The following AGO1 variants were observed in gnomAD, a reference collection of about 807,000 sequenced individuals.
AGO1 encodes protein argonaute-1.
A neutral mutation model predicts 109.2 loss-of-function variants in AGO1; 11 were observed. The ratio of observed to expected loss-of-function variants is 0.10; its 90% confidence interval spans 0.06 to 0.17. AGO1 has a LOEUF of 0.17. Among genes scored for constraint, AGO1 ranks in the 10% least tolerant of loss-of-function variants. AGO1 has a pLI of 1.00. For synonymous variants in AGO1, 422 were observed against 418.6 expected (o/e 1.01, Z -0.10); for missense variants, 574 against 1,140.3 (o/e 0.50, Z 7.15).
Position 35,883,998 on chromosome 1 carries a change from G to A in AGO1, c.25+552G>A, listed in dbSNP as rs1002627522. 7.2e-5 allele frequency among the ~76,000 whole-genome samples: 11 copies of A among 152,224 alleles called. No homozygotes were observed. The highest frequency in any genetic ancestry group is 2.0e-4 in the Admixed American group (3 of 15,288). ...CCCCGTGGGTCTGGGGAGTCGGAGC[G>A]GAGGCTCCAGAGCATGCGCGGAGGT... On this transcript the variant is annotated intron_variant, in intron 1 of 18. Transcript: ENST00000373204. This position sits in a 1 kb window ranked among gnomAD's most constrained non-coding sequence, Gnocchi z 5.4.
chr1:35,886,324 G>C (rs1348409026), intron 1 of AGO1, among the ~76,000 whole-genome samples: 1 of 152,178 alleles, frequency 6.6e-6, no homozygotes, highest in Non-Finnish European at 1.5e-5. Context: ...AGGAGACAGT[G>C]CTGTTGTTAG....
At position 35,901,876 on chromosome 1, in the gene AGO1, C is replaced by G; in HGVS notation, c.1141-72C>G. 1 of 1,523,556 alleles carries G rather than the reference C, an allele frequency of 6.6e-7. No homozygotes were observed. 94.4% of individuals were successfully genotyped at this position (1,523,556 alleles called of 1,614,324 possible). A position where few individuals can be genotyped will look rare whatever the true frequency, so the allele number is the denominator to read the frequency against. On this transcript the variant is annotated intron_variant, in intron 9 of 18. Coordinates refer to ENST00000373204, the MANE Select transcript of AGO1 (RefSeq NM_012199.5). This position sits in a 1 kb window ranked among gnomAD's most constrained non-coding sequence, Gnocchi z 4.8. ...CCCCAGCTTCTCCTTAGGGTTCTCT[C>G]CTTGATACCCAGAGGGTGAGCAGTA...
At position 35,892,626 on chromosome 1, in the gene AGO1, T is replaced by C; in HGVS notation, c.279T>C (p.Asp93=). ...TTGGTGATCGCAAGCCTGTGTATGA[T>C]GGAAAGAAGAACATTTACACTGTCA... The part of the protein sequence containing the change: ...QIFGDRKPVY[D]GKKNIYTVTA... Residue 93 remains aspartate (D), a synonymous_variant, in exon 3 of 19, where the codon GAT becomes GAC. Coordinates refer to ENST00000373204, the MANE Select transcript of AGO1 (RefSeq NM_012199.5). The C allele has an allele frequency of 6.2e-7, 1 of 1,614,204 alleles. No homozygotes were observed. The highest frequency in any genetic ancestry group is 1.1e-5 in the South Asian group (1 of 91,086).
At chr1:35,909,192 A>G (rs975289129) in intron 12 of AGO1, among the ~76,000 whole-genome samples, 19 of 152,080 alleles carry the variant, frequency 1.2e-4, no homozygotes, top group Admixed American at 9.8e-4. Context: ...ATTGATTCCT[A>G]TTATTCACTG....
intron 15 of AGO1, among the ~76,000 whole-genome samples, chr1:35,917,204 G>A (rs979563119): frequency 6.6e-6 from 1 of 152,176 alleles, no homozygotes; most frequent in Non-Finnish European, 1.5e-5. Flanking sequence ...TCCACAACCT[G>A]TCTGCTCTTG....
In AGO1 at chr1:35,907,013, T is replaced by C. The variant is rs1040031325; in HGVS notation, c.1476T>C (p.Tyr492=). Residue 492 remains tyrosine, a synonymous_variant, in exon 12 of 19, where the codon TAT becomes TAC. Transcript: ENST00000373204. ...PIQGQPCFCK[Y]AQGADSVEPM... ...AGGGTCAACCTTGTTTCTGCAAATA[T>C]GCACAGGGGGCAGACAGCGTGGAGC... is the stretch of plus-strand genomic sequence containing the variant. 5 of 1,614,004 alleles carry C rather than the reference T, an allele frequency of 3.1e-6. No individual in the cohort carries two copies. The highest frequency in any genetic ancestry group is 1.3e-5 in the African/African-American group (1 of 74,908).
In AGO1 at chr1:35,929,439, A is replaced by G. The variant is rs546851825; in HGVS notation, c.*9832A>G. The G allele has an allele frequency of 6.6e-6, 1 of 152,216 alleles. No homozygotes were observed. The highest frequency in any genetic ancestry group is 1.9e-4 in the East Asian group (1 of 5,210). 9.4% of individuals were successfully genotyped at this position (152,216 alleles called of 1,614,324 possible). A position where few individuals can be genotyped will look rare whatever the true frequency, so the allele number is the denominator to read the frequency against. On this transcript the variant is annotated 3_prime_UTR_variant, in exon 19 of 19. Coordinates refer to ENST00000373204, the MANE Select transcript of AGO1 (RefSeq NM_012199.5). Reference sequence around the variant, plus strand: ...ATCACTGTCACCATGTCTAATGTCTATTCTGGAAGAAGCTGAAGAAGTCTG... The same window carrying G: ...ATCACTGTCACCATGTCTAATGTCTGTTCTGGAAGAAGCTGAAGAAGTCTG...
At chr1:35,910,012 C>A (rs1645604773) in intron 12 of AGO1, among the ~76,000 whole-genome samples, 1 of 151,958 alleles carries the variant, frequency 6.6e-6, no homozygotes, top group African/African-American at 2.4e-5. Flanking sequence ...TTATGTTACA[C>A]TTCTCTCTAG....
Position 35,901,692 on chromosome 1 carries a change from G to C in AGO1, c.1140+99G>C. The C allele has an allele frequency of 6.3e-7, 1 of 1,580,438 alleles. No individual in the cohort carries two copies. Among genetic ancestry groups the C allele is most frequent in the South Asian group, 1.1e-5 (1 of 87,032 alleles). ...CTTCCTTCAGGAGAACCCAAGTCTA[G>C]ATTTGTTGCCTAGGACTGTATAAGG... is the stretch of plus-strand genomic sequence containing the variant. On this transcript the variant is annotated intron_variant, in intron 9 of 18. Coordinates refer to ENST00000373204, the MANE Select transcript of AGO1 (RefSeq NM_012199.5). The surrounding 1 kb of genome is among the most constrained non-coding windows in gnomAD (Gnocchi z 4.8).
chr1:35,888,691 G>A lies in AGO1; in HGVS notation c.209+81G>A, dbSNP rs1557603792. On this transcript the variant is annotated intron_variant, in intron 2 of 18. Transcript: ENST00000373204. This position sits in a 1 kb window ranked among gnomAD's most constrained non-coding sequence, Gnocchi z 4.1. ...GGCCAGAAAGGTAAAAGAAAAACCA[G>A]TAGAGGGTAGTATCACCAAATCTAA... The A allele has an allele frequency of 2.7e-6, 4 of 1,489,088 alleles. No individual in the cohort carries two copies. The East Asian group carries it at 9.3e-5, about 34-fold the overall frequency. 92.2% of individuals were successfully genotyped at this position (1,489,088 alleles called of 1,614,324 possible).
chr1:35,903,441 G>A (rs996615132), intron 11 of AGO1, among the ~76,000 whole-genome samples: 4 of 152,190 alleles, frequency 2.6e-5, no homozygotes, highest in Middle Eastern at 3.4e-3. Flanking sequence ...CTCTGAATCT[G>A]GAGTGGGGTC....
intron 12 of AGO1, among the ~76,000 whole-genome samples, chr1:35,907,379 A>C (rs1012898701): frequency 1.3e-5 from 2 of 152,120 alleles, no homozygotes; most frequent in African/African-American, 4.8e-5. Context: ...ATGCTGGGCC[A>C]GGTACAGAGA....
At chr1:35,882,169 C>T (rs1645043942), upstream of AGO1, among the ~76,000 whole-genome samples, 2 of 152,134 alleles carry the variant, frequency 1.3e-5, no homozygotes, top group Non-Finnish European at 2.9e-5. This position sits in a 1 kb window ranked among gnomAD's most constrained non-coding sequence, Gnocchi z 5.1. Context: ...GTTTGGACTT[C>T]TTAAATTTGA....
rs1645259643 is a variant in AGO1 at position 35,893,468 on chromosome 1, A to G, written c.512+190A>G. The G allele has an allele frequency of 1.2e-6, 1 of 808,328 alleles. No individual in the cohort carries two copies. The highest frequency in any genetic ancestry group is 1.9e-6 in the Non-Finnish European group (1 of 528,566). The allele number at this position is 808,328 out of a possible 1,614,324, so 50.1% of individuals were successfully genotyped here. A position where few individuals can be genotyped will look rare whatever the true frequency, so the allele number is the denominator to read the frequency against. On this transcript the variant is annotated intron_variant, in intron 4 of 18. Transcript: ENST00000373204. This position sits in a 1 kb window ranked among gnomAD's most constrained non-coding sequence, Gnocchi z 5.6. ...AGCCCTGGCCCTGAACTTCTTAGAT[A>G]TCTTTGGGCCTCATCCCATCTGTCC...
intron 1 of AGO1, among the ~76,000 whole-genome samples, chr1:35,876,515 C>G (rs185708319): frequency 2.4e-3 from 358 of 152,274 alleles, no homozygotes; most frequent in Non-Finnish European, 3.9e-3. Flanking sequence ...ATCCGCCCAC[C>G]TCGGCCTCCC....
At chr1:35,886,921 G>C (rs1464112881) in intron 1 of AGO1, among the ~76,000 whole-genome samples, 5 of 152,208 alleles carry the variant, frequency 3.3e-5, no homozygotes, top group African/African-American at 1.2e-4. Context: ...TGAAGGATAT[G>C]TGTGTAAGTG....
upstream of AGO1, among the ~76,000 whole-genome samples, chr1:35,880,572 T>C (rs1645027409): frequency 1.3e-5 from 2 of 151,998 alleles, no homozygotes; most frequent in South Asian, 2.1e-4. Flanking sequence ...AAAAAGAATA[T>C]AGTGTGAGAG....
In AGO1 at chr1:35,924,406, A is replaced by G. The variant is rs1034669992; in HGVS notation, c.*4799A>G. Reference sequence around the variant, plus strand: ...ATAATACTGTAGATTGTTATGCAGGAATACTTCACAGAGCCTTCATTTATT... The same window carrying G: ...ATAATACTGTAGATTGTTATGCAGGGATACTTCACAGAGCCTTCATTTATT... On this transcript the variant is annotated 3_prime_UTR_variant, in exon 19 of 19. Transcript: ENST00000373204. The G allele has an allele frequency of 6.6e-6, 1 of 152,504 alleles. No individual in the cohort carries two copies. Among genetic ancestry groups the G allele is most frequent in the Non-Finnish European group, 1.5e-5 (1 of 68,048 alleles). 9.4% of individuals were successfully genotyped at this position (152,504 alleles called of 1,614,324 possible). A position where few individuals can be genotyped will look rare whatever the true frequency, so the allele number is the denominator to read the frequency against.
In AGO1 at chr1:35,906,923, G is replaced by A. The variant is rs746358759; in HGVS notation, c.1398-12G>A. On this transcript the variant is annotated splice_polypyrimidine_tract_variant and intron_variant, in intron 11 of 18. Coordinates refer to ENST00000373204, the MANE Select transcript of AGO1 (RefSeq NM_012199.5). ...GACTCACTGCCTCCTTTGTGACCATGCGTGTGTACAGGAACTTCACAGACC... is the reference window on the plus strand; with the variant it reads ...GACTCACTGCCTCCTTTGTGACCATACGTGTGTACAGGAACTTCACAGACC... 50 of 1,603,658 alleles carry A rather than the reference G, an allele frequency of 3.1e-5. No individual in the cohort carries two copies. Among genetic ancestry groups the A allele is most frequent in the Non-Finnish European group, 4.0e-5 (47 of 1,174,044 alleles).
Sources: gnomAD v4.1 joint callset for allele counts (sites outside exome capture counted in the v4.1 genomes callset) on GRCh38, gnomAD v4.1.1 for gene constraint, Gnocchi (gnomAD v3.1) non-coding constraint, MANE v1.5 for transcripts, NCBI Gene and HGNC (gene_info 2026-07-23, HGNC 2026-07-21) for gene names.